Variants in DRC5 observed in about 807,000 individuals in gnomAD.
DRC5 encodes the protein T-complex-associated testis-expressed protein 1.
At chr6:44,291,374 T>A in the DRC5 span, among the ~76,000 whole-genome samples, 1 of 152,206 alleles carries the variant, frequency 6.6e-6, no homozygotes, top group East Asian at 1.9e-4. Flanking sequence ...AATCTACTTT[T>A]TAAACTAACA....
chr6:44,291,210 A>G, the DRC5 span, among the ~76,000 whole-genome samples: 3 of 152,262 alleles, frequency 2.0e-5, no homozygotes, highest in Admixed American at 2.0e-4. Flanking sequence ...CAAATGTTGA[A>G]AAAATTAATT....
the DRC5 span, among the ~76,000 whole-genome samples, chr6:44,285,468 C>A: frequency 6.6e-6 from 1 of 152,216 alleles, no homozygotes; most frequent in African/African-American, 2.4e-5. Flanking sequence ...CAGCTCACTG[C>A]AGGCTTGAAC....
At chr6:44,296,166 C>T in the DRC5 span, among the ~76,000 whole-genome samples, 2 of 152,220 alleles carry the variant, frequency 1.3e-5, no homozygotes, top group Non-Finnish European at 2.9e-5. Context: ...GTCTAATGCT[C>T]TTACTTCCAT....
the DRC5 span, chr6:44,286,389 C>T: frequency 3.7e-6 from 6 of 1,613,998 alleles, no homozygotes; most frequent in African/African-American, 1.3e-5. Context: ...ACGTGGCACA[C>T]GGGCCAGCGA....
chr6:44,297,139 C>T, the DRC5 span, among the ~76,000 whole-genome samples: 3 of 152,170 alleles, frequency 2.0e-5, no homozygotes. Context: ...AGGAGTCCCT[C>T]CCCCATCCTA....
At chr6:44,286,660 A>C in the DRC5 span, 1 of 790,032 alleles carries the variant, frequency 1.3e-6, no homozygotes, top group Admixed American at 2.6e-5. Context: ...GGGGATAGAC[A>C]GCCTCTGCTC....
the DRC5 span, among the ~76,000 whole-genome samples, chr6:44,289,019 A>AAAAAAG: frequency 7.0e-6 from 1 of 143,468 alleles, no homozygotes; most frequent in African/African-American, 2.5e-5. Context: ...AAAAAAAAAA[A>AAAAAAG]AAAGAAAAAC....
At chr6:44,296,254 C>T in the DRC5 span, among the ~76,000 whole-genome samples, 1 of 152,212 alleles carries the variant, frequency 6.6e-6, no homozygotes, top group African/African-American at 2.4e-5. Flanking sequence ...CCACTTTCTC[C>T]AGCTCATGAG....
At chr6:44,279,832 TG>T in the DRC5 span, 1 of 208,794 alleles carries the variant, frequency 4.8e-6, no homozygotes, top group Non-Finnish European at 9.5e-6. Context: ...GAGAAGAAAA[TG>T]GTGGGGAGTC....
the DRC5 span, chr6:44,287,324 G>A: frequency 3.8e-6 from 3 of 792,652 alleles, no homozygotes; most frequent in East Asian, 1.3e-4. Context: ...GGCATGGAGG[G>A]TGCAGTGTGG....
At chr6:44,287,811 T>TA in the DRC5 span, 1 of 1,613,864 alleles carries the variant, frequency 6.2e-7, no homozygotes, top group Non-Finnish European at 8.5e-7. Context: ...CTGATGTCGT[T>TA]ACGGTATCCT....
the DRC5 span, among the ~76,000 whole-genome samples, chr6:44,288,460 T>A: frequency 1.3e-5 from 2 of 152,156 alleles, no homozygotes; most frequent in African/African-American, 4.8e-5. Flanking sequence ...ATTCATGCTC[T>A]GAACCCTACA....
At chr6:44,288,880 G>C in the DRC5 span, among the ~76,000 whole-genome samples, 1 of 149,066 alleles carries the variant, frequency 6.7e-6, no homozygotes, top group African/African-American at 2.5e-5. Context: ...TGTAGTCCCA[G>C]CTACTCGGAA....
the DRC5 span, chr6:44,287,768 T>C: frequency 6.2e-7 from 1 of 1,614,114 alleles, no homozygotes; most frequent in Non-Finnish European, 8.5e-7. Context: ...TTGTCCTGGG[T>C]GGAGACTGAG....
the DRC5 span, among the ~76,000 whole-genome samples, chr6:44,290,553 A>G: frequency 6.6e-6 from 1 of 152,152 alleles, no homozygotes; most frequent in Admixed American, 6.5e-5. Flanking sequence ...AAGGGCAAGG[A>G]GGCAGGGTGG....
At chr6:44,279,510 G>A in the DRC5 span, 1 of 152,130 alleles carries the variant, frequency 6.6e-6, no homozygotes, top group African/African-American at 2.4e-5. Flanking sequence ...TGGGTGGCAG[G>A]GATTGTGTCA....
the DRC5 span, among the ~76,000 whole-genome samples, chr6:44,280,712 C>A: frequency 6.6e-6 from 1 of 152,190 alleles, no homozygotes; most frequent in Non-Finnish European, 1.5e-5. Flanking sequence ...AGGGTGGCTT[C>A]TGGGAAGCTT....
chr6:44,282,370 C>G, the DRC5 span: 1 of 1,614,210 alleles, frequency 6.2e-7, no homozygotes, highest in Non-Finnish European at 8.5e-7. Flanking sequence ...GGTGCACGCA[C>G]CTGGTTGTTA....
the DRC5 span, chr6:44,287,209 CAGAGT>C: frequency 1.0e-6 from 1 of 985,390 alleles, no homozygotes; most frequent in South Asian, 4.7e-5. Flanking sequence ...AAGACTCCAT[CAGAGT>C]AGAGGGCGGT....
Sources: gnomAD v4.1 joint callset for allele counts (sites outside exome capture counted in the v4.1 genomes callset) on GRCh38, gnomAD v4.1.1 for gene constraint, MANE v1.5 for transcripts, NCBI Gene and HGNC (gene_info 2026-07-23, HGNC 2026-07-21) for gene names.